The following RASA1 variants were observed in gnomAD, a reference collection of about 807,000 sequenced individuals.
RASA1 encodes the protein ras GTPase-activating protein 1.
In RASA1, 25 loss-of-function variants were observed where a neutral mutation model predicts 132.2. The observed-to-expected ratio is 0.19, with a 90% CI of 0.14 to 0.26. RASA1 has a LOEUF of 0.26. Among genes scored for constraint, RASA1 ranks in the 10% least tolerant of loss-of-function variants. The pLI is 1.00. For missense variants in RASA1, 964 were observed against 1,299.2 expected, an observed-to-expected ratio of 0.74 and a Z score of 3.97; for synonymous variants, 477 against 449.9, an observed-to-expected ratio of 1.06 and a Z score of -0.76.
rs1561320852 is a variant in RASA1, at chr5:87,374,870, A to G, written c.1965A>G (p.Glu655=). Residue 655 remains glutamate, a synonymous_variant, in exon 15 of 25, where the codon GAA becomes GAG. Coordinates refer to ENST00000274376, the MANE Select transcript of RASA1 (RefSeq NM_002890.3). The stretch of plus-strand genomic sequence containing the variant: ...TTCCTCCTGACATCAATAGATTTGA[A>G]ATAACTCTTAGTAATAAAACAAAGA... ...DDLPPDINRF[E]ITLSNKTKKS... is the part of the protein sequence containing the mutation. 1.2e-6 allele frequency: 2 copies of G among 1,609,676 alleles called. No individual in the cohort carries two copies. Among genetic ancestry groups the G allele is most frequent in the Admixed American group, 1.7e-5 (1 of 59,936 alleles).
intron 1 of RASA1, among the ~76,000 whole-genome samples, chr5:87,283,148 G>GTTTTTTTTTTT (rs200461511): frequency 2.9e-5 from 3 of 103,254 alleles, no homozygotes; most frequent in East Asian, 2.6e-4. Flanking sequence ...TTTTTTTTGT[G>GTTTTTTTTTTT]TTTTTTTTTT....
At chr5:87,377,537 A>G (rs1372701799) in intron 17 of RASA1, among the ~76,000 whole-genome samples, 1 of 152,004 alleles carries the variant, frequency 6.6e-6, no homozygotes, top group African/African-American at 2.4e-5. Flanking sequence ...GGTTTTCACC[A>G]TGTTGGCCAG....
At chr5:87,286,835 T>C (rs892622731) in intron 1 of RASA1, among the ~76,000 whole-genome samples, 14 of 150,512 alleles carry the variant, frequency 9.3e-5, no homozygotes, top group Admixed American at 7.3e-4. Context: ...CACATATATA[T>C]ATACCATATA....
chr5:87,314,870 T>C (rs1756204224), intron 1 of RASA1, among the ~76,000 whole-genome samples: 1 of 152,222 alleles, frequency 6.6e-6, no homozygotes, highest in African/African-American at 2.4e-5. Context: ...TTGTTAAATG[T>C]TCTTTATTGT....
At chr5:87,299,551 G>A (rs912502379) in intron 1 of RASA1, 8 of 151,880 alleles carry the variant, frequency 5.3e-5, no homozygotes, top group African/African-American at 1.7e-4. Context: ...CTATATGTAA[G>A]GTACACAACA....
rs543620806 is a variant in RASA1, at chr5:87,333,685, T to C, written c.899+348T>C. 2.0e-5 allele frequency among the ~76,000 whole-genome samples: 3 copies of C among 152,352 alleles called. No individual in the cohort carries two copies. The East Asian group carries it at 5.8e-4, about 29-fold the overall frequency. ...CTATAAAGGATAAGCTTCTACTTTATGTAATGGGTGAATAATTTTAAACCT... is the reference window on the plus strand; with the variant it reads ...CTATAAAGGATAAGCTTCTACTTTACGTAATGGGTGAATAATTTTAAACCT... On this transcript the variant is annotated intron_variant, in intron 4 of 24. Transcript: ENST00000274376.
intron 11 of RASA1, among the ~76,000 whole-genome samples, chr5:87,365,023 T>C (rs1165683918): frequency 6.6e-6 from 1 of 152,152 alleles, no homozygotes; most frequent in African/African-American, 2.4e-5. Flanking sequence ...TGTAGTTTAT[T>C]ATCGTGAAAA....
chr5:87,337,447 T>A (rs1018083907), intron 4 of RASA1, among the ~76,000 whole-genome samples: 2 of 152,126 alleles, frequency 1.3e-5, no homozygotes, highest in East Asian at 1.9e-4. Context: ...CTGGTTTTTT[T>A]ATAAGAAAAA....
chr5:87,342,866 T>G (rs1473487634), intron 6 of RASA1, among the ~76,000 whole-genome samples: 1 of 152,176 alleles, frequency 6.6e-6, no homozygotes, highest in East Asian at 1.9e-4. Flanking sequence ...AATGGAATTT[T>G]AAATTTAAAA....
intron 8 of RASA1, 35 bp downstream of exon 8, chr5:87,349,399 C>T (rs778887309): frequency 1.7e-5 from 27 of 1,604,694 alleles, no homozygotes; most frequent in Middle Eastern, 1.7e-4. Flanking sequence ...TTTTACTTTT[C>T]GCAAAAATAG....
chr5:87,347,652 T>C (rs1758957659), intron 7 of RASA1, among the ~76,000 whole-genome samples: 1 of 151,962 alleles, frequency 6.6e-6, no homozygotes, highest in Admixed American at 6.6e-5. Flanking sequence ...TTTTGAAAGA[T>C]TTGAGATAGT....
chr5:87,280,227 T>A (rs563444508), intron 1 of RASA1, among the ~76,000 whole-genome samples: 17 of 152,164 alleles, frequency 1.1e-4, no homozygotes, highest in Non-Finnish European at 1.2e-4. Context: ...GAAACAATGC[T>A]TCACCAGCCA....
At chr5:87,366,805 G>A (rs1760556062) in intron 11 of RASA1, among the ~76,000 whole-genome samples, 1 of 152,176 alleles carries the variant, frequency 6.6e-6, no homozygotes, top group Admixed American at 6.5e-5. Flanking sequence ...CCCAAGGTGG[G>A]CTGATCGCTT....
intron 9 of RASA1, among the ~76,000 whole-genome samples, chr5:87,353,818 C>T (rs140654471): frequency 1.2e-4 from 19 of 152,162 alleles, no homozygotes; most frequent in Admixed American, 5.9e-4. Flanking sequence ...TGGCCTTGAG[C>T]AAGAGAGCCT....
chr5:87,371,374 G>C (rs575049627), intron 12 of RASA1, among the ~76,000 whole-genome samples: 2 of 151,976 alleles, frequency 1.3e-5, no homozygotes, highest in Non-Finnish European at 1.5e-5. Flanking sequence ...CATTGAAATA[G>C]CCAACAAACT....
At chr5:87,318,117 C>T (rs933106979) in intron 1 of RASA1, among the ~76,000 whole-genome samples, 10 of 152,082 alleles carry the variant, frequency 6.6e-5, no homozygotes, top group African/African-American at 2.2e-4. Flanking sequence ...CATTTTGAAG[C>T]GTGCTTTCAT....
chr5:87,300,978 C>T (rs559008791), intron 1 of RASA1, among the ~76,000 whole-genome samples: 6 of 152,060 alleles, frequency 3.9e-5, no homozygotes, highest in Non-Finnish European at 8.8e-5. Context: ...TGTGAGTCAC[C>T]CATTGACTCA....
intron 1 of RASA1, among the ~76,000 whole-genome samples, chr5:87,280,824 T>G (rs6896485): frequency 6.6e-6 from 1 of 151,892 alleles, no homozygotes; most frequent in Non-Finnish European, 1.5e-5. Context: ...TGGTCCGATC[T>G]CGGCTGACTG....
At position 87,281,643 on chromosome 5, in the gene RASA1, C is replaced by T. The variant is rs187392412; in HGVS notation, c.539+12653C>T. Among the ~76,000 whole-genome samples the T allele has an allele frequency of 4.6e-5, 7 of 152,066 alleles. No individual in the cohort carries two copies. The East Asian group carries it at 9.7e-4, about 21-fold the overall frequency. On this transcript the variant is annotated intron_variant, in intron 1 of 24. Transcript: ENST00000274376. ...TTGCCCAGGCTGGAGTGCAGTGACA[C>T]GATCTCGGCTCACTGCAACCTCCGC...
Sources: allele counts gnomAD v4.1 joint callset (sites outside exome capture counted in the v4.1 genomes callset), GRCh38; gene constraint gnomAD v4.1.1; transcripts MANE v1.5; gene names NCBI Gene and HGNC (gene_info 2026-07-23, HGNC 2026-07-21).